CNKSR3: variants seen among roughly 807,000 people sequenced by gnomAD.
CNKSR3 encodes the protein CNKSR family member 3.
CNKSR3 carries 36 observed loss-of-function variants against 67.7 expected under a neutral mutation model. That is an observed-to-expected ratio of 0.53 (90% CI 0.41 to 0.70). The LOEUF is 0.70. CNKSR3 is among the 30% of genes least tolerant of loss of function. CNKSR3 has a pLI of 0.00. For synonymous variants in CNKSR3, 281 were observed against 271.4 expected (o/e 1.04, Z -0.35); for missense variants, 630 against 695.2 (o/e 0.91, Z 1.05).
At chr6:154,474,272 G>C (rs1172232426) in intron 1 of CNKSR3, among the ~76,000 whole-genome samples, 3 of 151,486 alleles carry the variant, frequency 2.0e-5, no homozygotes, top group Non-Finnish European at 4.4e-5. Flanking sequence ...AATTAGCTAG[G>C]CATGGTGGCA....
intron 1 of CNKSR3, among the ~76,000 whole-genome samples, chr6:154,468,094 T>TG (rs1554236124): frequency 1.4e-5 from 2 of 140,834 alleles, no homozygotes; most frequent in Non-Finnish European, 3.1e-5. Flanking sequence ...TTTTTTTTTT[T>TG]GAGACAGGGT....
At chr6:154,497,586 G>A (rs868739345) in intron 1 of CNKSR3, among the ~76,000 whole-genome samples, 1 of 152,174 alleles carries the variant, frequency 6.6e-6, no homozygotes. Context: ...TTTAGAAAGG[G>A]AGCTAATGGT....
intron 1 of CNKSR3, among the ~76,000 whole-genome samples, chr6:154,499,041 T>C (rs1227485713): frequency 6.6e-6 from 1 of 152,204 alleles, no homozygotes; most frequent in Non-Finnish European, 1.5e-5. Context: ...CTTCTGTGTG[T>C]TCCTGGGCTG....
rs1787188096 is a variant in CNKSR3, at chr6:154,510,211, T to C, written c.-97A>G. 2.1e-6 allele frequency: 3 copies of C among 1,418,584 alleles called. No individual in the cohort carries two copies. The highest frequency in any genetic ancestry group is 3.0e-6 in the Non-Finnish European group (3 of 1,011,786). The allele number at this position is 1,418,584 out of a possible 1,614,324, so 87.9% of individuals were successfully genotyped here. A position where few individuals can be genotyped will look rare whatever the true frequency, so the allele number is the denominator to read the frequency against. ...CTTCCCGGGAGGGCGCGCCCGCGGC[T>C]GCTCCCCTGCGCCCGAGCGACTCCG... On this transcript the variant is annotated 5_prime_UTR_variant, in exon 1 of 13. Transcript: ENST00000607772.
rs1207694140 is a variant in CNKSR3, at chr6:154,396,676, C to T, written c.*9678G>A. ...ATCAAGGAGGACCTCATATGGATGA[C>T]CTTGGGACTTACTGGGGTAACTAGA... On this transcript the variant is annotated 3_prime_UTR_variant, in exon 13 of 13. Coordinates refer to ENST00000607772, the MANE Select transcript of CNKSR3 (RefSeq NM_173515.4). 6.6e-6 allele frequency: 1 copy of T among 152,140 alleles called. No individual in the cohort carries two copies. The highest frequency in any genetic ancestry group is 1.5e-5 in the Non-Finnish European group (1 of 68,020). The allele number at this position is 152,140 out of a possible 1,614,324, so 9.4% of individuals were successfully genotyped here. A position where few individuals can be genotyped will look rare whatever the true frequency, so the allele number is the denominator to read the frequency against.
chr6:154,442,536 G>A (rs1785620573), intron 2 of CNKSR3, among the ~76,000 whole-genome samples: 1 of 151,926 alleles, frequency 6.6e-6, no homozygotes, highest in Non-Finnish European at 1.5e-5. Flanking sequence ...GCAGGAGAAT[G>A]GCGTGAACCC....
chr6:154,402,168 C>T lies in CNKSR3; in HGVS notation c.*4186G>A, dbSNP rs1784723322. ...CCCCACCTCCGCCCAAGAGGCAGTTCTGGAAATGTGAGCATGTTAGGGGTG... is the reference window on the plus strand; with the variant it reads ...CCCCACCTCCGCCCAAGAGGCAGTTTTGGAAATGTGAGCATGTTAGGGGTG... On this transcript the variant is annotated 3_prime_UTR_variant, in exon 13 of 13. Coordinates refer to ENST00000607772, the MANE Select transcript of CNKSR3 (RefSeq NM_173515.4). 6.6e-6 allele frequency: 1 copy of T among 152,178 alleles called. No homozygotes were observed. The highest frequency in any genetic ancestry group is 1.5e-5 in the Non-Finnish European group (1 of 68,058). 9.4% of individuals were successfully genotyped at this position (152,178 alleles called of 1,614,324 possible).
chr6:154,450,143 A>G lies in CNKSR3; in HGVS notation c.168T>C (p.Ile56=), dbSNP rs9322467. The G allele has an allele frequency of 0.68, 1,096,814 of 1,613,722 alleles. 377,527 individuals are homozygous for G. The highest frequency in any genetic ancestry group is 0.91 in the East Asian group (40,862 of 44,870). ...CCTCCAACACAAGCTCCTGGTGTCC[A>G]ATCCGTGTGACCCCCAGCTCCTCCA... ...QDLEELGVTR[I]GHQELVLEAV... Residue 56 remains isoleucine (I), a synonymous_variant, in exon 2 of 13, where the codon ATT becomes ATC. Transcript: ENST00000607772.
At chr6:154,472,553 C>T (rs1488125057) in intron 1 of CNKSR3, among the ~76,000 whole-genome samples, 1 of 152,040 alleles carries the variant, frequency 6.6e-6, no homozygotes, top group Non-Finnish European at 1.5e-5. Context: ...GCACATCTCG[C>T]TATGTAGTTT....
chr6:154,498,693 T>G (rs530994807), intron 1 of CNKSR3, among the ~76,000 whole-genome samples: 1 of 152,346 alleles, frequency 6.6e-6, no homozygotes, highest in South Asian at 2.1e-4. Flanking sequence ...GCAGTGTCTT[T>G]TTTATTCTGG....
At chr6:154,428,919 C>T (rs1442615147) in intron 6 of CNKSR3, among the ~76,000 whole-genome samples, 2 of 152,138 alleles carry the variant, frequency 1.3e-5, no homozygotes, top group African/African-American at 2.4e-5. Flanking sequence ...ATTAAAGCTA[C>T]TAATAATCCA....
chr6:154,466,117 C>T (rs780922422), intron 1 of CNKSR3, among the ~76,000 whole-genome samples: 2 of 152,176 alleles, frequency 1.3e-5, no homozygotes, highest in Non-Finnish European at 2.9e-5. Flanking sequence ...CTTGCTGGAA[C>T]CAAATAACAA....
chr6:154,454,126 G>C (rs371834820), intron 1 of CNKSR3, among the ~76,000 whole-genome samples: 97,936 of 142,476 alleles, frequency 0.69, 34,230 homozygotes, highest in East Asian at 0.87. Context: ...GAGAGAGAGA[G>C]AGAGAGAGAG....
At chr6:154,470,754 T>C (rs1020314610) in intron 1 of CNKSR3, among the ~76,000 whole-genome samples, 4 of 152,222 alleles carry the variant, frequency 2.6e-5, no homozygotes, top group Non-Finnish European at 4.4e-5. Context: ...CATTCATGTA[T>C]AGGTTTTTAG....
At chr6:154,430,330 A>T (rs550965046) in intron 6 of CNKSR3, 142 bp downstream of exon 6, 155 of 644,030 alleles carry the variant, frequency 2.4e-4, no homozygotes, top group Admixed American at 2.3e-3. Context: ...AAGATAGCAC[A>T]TTCCTAATTA....
rs1403479239 is a variant in CNKSR3 at position 154,398,650 on chromosome 6, G to C, written c.*7704C>G. 6.6e-6 allele frequency: 1 copy of C among 152,184 alleles called. No homozygotes were observed. Among genetic ancestry groups the C allele is most frequent in the Non-Finnish European group, 1.5e-5 (1 of 68,026 alleles). The allele number at this position is 152,184 out of a possible 1,614,324, so 9.4% of individuals were successfully genotyped here. The stretch of plus-strand genomic sequence containing the variant: ...GGAATACCACTTCAAGATGGGAATG[G>C]GAGGCAAAAATAATTCAGCCAACTA... On this transcript the variant is annotated 3_prime_UTR_variant, in exon 13 of 13. Coordinates refer to ENST00000607772, the MANE Select transcript of CNKSR3 (RefSeq NM_173515.4).
At position 154,406,581 on chromosome 6, in the gene CNKSR3, G is replaced by C. The variant is rs777431427; in HGVS notation, c.1441C>G (p.Pro481Ala). The change falls in exon 13 of 13, where the codon CCA (proline) becomes GCA (alanine). Residue 481 changes from proline (P) to alanine (A), a missense_variant. Physicochemically the swap from Pro to Ala is conservative, Grantham distance 27. Coordinates refer to ENST00000607772, the MANE Select transcript of CNKSR3 (RefSeq NM_173515.4). Reference sequence around the variant, plus strand: ...GTCGTGGGTCTGGAGAACCGGTATGGGGGAGAGGAGCTCTCTTCAATGATC... The same window carrying C: ...GTCGTGGGTCTGGAGAACCGGTATGCGGGAGAGGAGCTCTCTTCAATGATC... ...PPIIEESSSP[P>A]YRFSRPTTER... 11 of 1,614,202 alleles carry C rather than the reference G, an allele frequency of 6.8e-6. No individual in the cohort carries two copies. In the East Asian group the frequency reaches 2.2e-4, roughly 33 times the overall value.
At chr6:154,481,710 C>G (rs1042429245) in intron 1 of CNKSR3, among the ~76,000 whole-genome samples, 3 of 152,146 alleles carry the variant, frequency 2.0e-5, no homozygotes, top group Non-Finnish European at 2.9e-5. Flanking sequence ...TGGTCATCTT[C>G]AGAGCACTGA....
At chr6:154,501,610 T>C in intron 1 of CNKSR3, among the ~76,000 whole-genome samples, 1 of 151,948 alleles carries the variant, frequency 6.6e-6, no homozygotes, top group Middle Eastern at 3.2e-3. Flanking sequence ...TGATGGCTGG[T>C]TCCTTCCTAC....
Sources: allele counts gnomAD v4.1 joint callset (sites outside exome capture counted in the v4.1 genomes callset), GRCh38; gene constraint gnomAD v4.1.1; transcripts MANE v1.5; gene names NCBI Gene and HGNC (gene_info 2026-07-23, HGNC 2026-07-21).